LITAF: variants seen among roughly 807,000 people sequenced by gnomAD.
LITAF encodes lipopolysaccharide-induced tumor necrosis factor-alpha factor.
LITAF carries 9 observed loss-of-function variants against 14.5 expected under a neutral mutation model. The ratio of observed to expected loss-of-function variants is 0.62; its 90% CI spans 0.37 to 1.08. LITAF has a LOEUF of 1.08. LITAF is among the 50% of genes least tolerant of loss of function. The pLI is 0.01. For synonymous variants in LITAF, 98 were observed against 88.2 expected, an observed-to-expected ratio of 1.11 and a Z score of -0.62; for missense variants, 206 against 213.4, an observed-to-expected ratio of 0.97 and a Z score of 0.22.
Position 11,548,251 on chromosome 16 carries a change from C to G in LITAF, c.*1386G>C, listed in dbSNP as rs184312185. ...TATCAAAACGAGGACCCTTGAAGGT[C>G]GAGCCCAGCTTTGTCTTGACTTCAA... is the stretch of plus-strand genomic sequence containing the variant. On this transcript the variant is annotated 3_prime_UTR_variant, in exon 4 of 4. Coordinates refer to ENST00000622633, the MANE Select transcript of LITAF (RefSeq NM_001136472.2). The G allele has an allele frequency of 9.9e-5, 45 of 454,022 alleles. No homozygotes were observed. Among genetic ancestry groups the G allele is most frequent in the African/African-American group, 8.6e-4 (43 of 50,090 alleles). The allele number at this position is 454,022 out of a possible 1,614,324, so 28.1% of individuals were successfully genotyped here.
At chr16:11,571,367 G>C (rs1336657560) in intron 1 of LITAF, among the ~76,000 whole-genome samples, 1 of 152,084 alleles carries the variant, frequency 6.6e-6, no homozygotes, top group Non-Finnish European at 1.5e-5. Context: ...GCGCCCAGTC[G>C]ACACATTGCA....
chr16:11,619,207 A>T (rs2065035256), intron 3 of LITAF, among the ~76,000 whole-genome samples: 1 of 151,704 alleles, frequency 6.6e-6, no homozygotes, highest in African/African-American at 2.4e-5. Context: ...GCTACTTGGG[A>T]TGCTGAGGGA....
At chr16:11,600,500 C>G (rs568907266), upstream of LITAF, among the ~76,000 whole-genome samples, 3 of 152,342 alleles carry the variant, frequency 2.0e-5, no homozygotes, top group Admixed American at 2.0e-4. The surrounding 1 kb of genome is among the most constrained non-coding windows in gnomAD (Gnocchi z 4.1). Flanking sequence ...GTTTAAAACC[C>G]AAAAGCCAAG....
chr16:11,572,730 A>C (rs1437450437), intron 1 of LITAF, among the ~76,000 whole-genome samples: 1 of 152,208 alleles, frequency 6.6e-6, no homozygotes, highest in Non-Finnish European at 1.5e-5. Flanking sequence ...TGACAACTGA[A>C]TACAACGTAG....
intron 3 of LITAF, among the ~76,000 whole-genome samples, chr16:11,610,510 C>G (rs749771672): frequency 1.1e-4 from 16 of 152,246 alleles, no homozygotes; most frequent in Middle Eastern, 3.4e-3. Flanking sequence ...GCTTGAGAAT[C>G]AAAAGCTCTG....
exon 2 of LITAF, chr16:11,635,855 GGTGGCAGGGT>G (rs1444959745): frequency 3.3e-5 from 5 of 152,370 alleles, no homozygotes; most frequent in African/African-American, 1.2e-4. Flanking sequence ...CTGTGTCGCA[GGTGGCAGGGT>G]TCCACACCTA....
intron 3 of LITAF, among the ~76,000 whole-genome samples, chr16:11,615,124 C>T (rs896562830): frequency 2.0e-5 from 3 of 152,150 alleles, no homozygotes; most frequent in African/African-American, 4.8e-5. Context: ...TAGGAGAAAA[C>T]GAGGCAGGAA....
In LITAF at chr16:11,612,728, A is replaced by G. The variant is rs542185520; in HGVS notation, c.85+20805T>C. On this transcript the variant is annotated intron_variant, in intron 3 of 3. Transcript: ENST00000574848. ...TCTCCCCTGACATCTCTGTTTGTCC[A>G]CGTCCTTGAGAAGGGCGGAGGGACG... Among the ~76,000 whole-genome samples the G allele has an allele frequency of 6.6e-5, 10 of 151,588 alleles. No homozygotes were observed. The South Asian group carries it at 2.1e-3, about 32-fold the overall frequency.
intron 1 of LITAF, among the ~76,000 whole-genome samples, chr16:11,580,572 G>GGA (rs2064716665): frequency 6.6e-6 from 1 of 151,976 alleles, no homozygotes; most frequent in South Asian, 2.1e-4. Flanking sequence ...TCTTAACTTA[G>GGA]GAGAGGAGAC....
At chr16:11,561,317 A>C (rs769937532) in intron 1 of LITAF, 1 of 152,206 alleles carries the variant, frequency 6.6e-6, no homozygotes, top group Admixed American at 6.6e-5. Flanking sequence ...CTCTCCTCCC[A>C]AAGTGAGGAA....
At chr16:11,576,974 C>A (rs1405476466) in intron 1 of LITAF, among the ~76,000 whole-genome samples, 3 of 152,200 alleles carry the variant, frequency 2.0e-5, no homozygotes, top group Non-Finnish European at 4.4e-5. Flanking sequence ...AATGTGGGAA[C>A]AGGGTGGTGG....
chr16:11,561,907 A>C (rs916150794), intron 1 of LITAF, among the ~76,000 whole-genome samples: 2 of 148,958 alleles, frequency 1.3e-5, no homozygotes, highest in African/African-American at 4.9e-5. Flanking sequence ...TCTTTTTTTT[A>C]AAAAAGAGGG....
chr16:11,638,110 C>T (rs547302363), upstream of LITAF, among the ~76,000 whole-genome samples: 3 of 60,812 alleles, frequency 4.9e-5, 1 homozygote, highest in African/African-American at 2.9e-4. Flanking sequence ...ATATATATAT[C>T]TATCTATATA....
At chr16:11,556,365 C>A (rs1051175195) in intron 2 of LITAF, 146 bp downstream of exon 2, 3 of 652,516 alleles carry the variant, frequency 4.6e-6, no homozygotes, top group African/African-American at 1.8e-5. Flanking sequence ...TAAAAGACTG[C>A]GTGTGGAATT....
At chr16:11,633,393 A>C (rs904809987) in intron 3 of LITAF, 2 of 152,248 alleles carry the variant, frequency 1.3e-5, no homozygotes, top group Non-Finnish European at 2.9e-5. Flanking sequence ...GGGTAAAATG[A>C]GGCTGAAACC....
At chr16:11,606,948 G>A (rs965433164) in intron 3 of LITAF, among the ~76,000 whole-genome samples, 1 of 152,104 alleles carries the variant, frequency 6.6e-6, no homozygotes, top group African/African-American at 2.4e-5. Flanking sequence ...CTACTTCACT[G>A]TATCCTTCCA....
intron 1 of LITAF, among the ~76,000 whole-genome samples, chr16:11,566,176 G>A (rs1408323676): frequency 6.6e-6 from 1 of 152,098 alleles, no homozygotes; most frequent in South Asian, 2.1e-4. Flanking sequence ...TTCTTCACTT[G>A]TCTGTCTTCC....
At chr16:11,619,737 T>C (rs754725937) in intron 3 of LITAF, among the ~76,000 whole-genome samples, 13 of 152,124 alleles carry the variant, frequency 8.5e-5, no homozygotes, top group Non-Finnish European at 1.5e-4. Flanking sequence ...TGGTTAATTT[T>C]TTAAAATTTT....
At chr16:11,602,859 T>G (rs1279908267), upstream of LITAF, among the ~76,000 whole-genome samples, 1 of 150,996 alleles carries the variant, frequency 6.6e-6, no homozygotes, top group African/African-American at 2.4e-5. Flanking sequence ...GCCTATAATC[T>G]CAGAGCTTTG....
Sources: gnomAD v4.1 joint callset for allele counts (sites outside exome capture counted in the v4.1 genomes callset) on GRCh38, gnomAD v4.1.1 for gene constraint, Gnocchi (gnomAD v3.1) non-coding constraint, MANE v1.5 for transcripts, NCBI Gene and HGNC (gene_info 2026-07-23, HGNC 2026-07-21) for gene names.